KCNQ5: variants seen among roughly 807,000 people sequenced by gnomAD.
KCNQ5 encodes potassium voltage-gated channel subfamily Q member 5, also known as potassium voltage-gated channel subfamily KQT member 5.
A neutral mutation model predicts 98.2 loss-of-function variants in KCNQ5; 30 were observed. The observed-to-expected ratio is 0.31, with a 90% CI of 0.23 to 0.41. The LOEUF (loss-of-function observed/expected upper bound fraction) is 0.41. Among genes scored for constraint, KCNQ5 ranks in the 10% least tolerant of loss-of-function variants. KCNQ5 has a pLI of 1.00. For missense variants in KCNQ5, 835 were observed against 1,182.5 expected, an observed-to-expected ratio of 0.71 and a Z score of 4.31; for synonymous variants, 458 against 449.4, an observed-to-expected ratio of 1.02 and a Z score of -0.24.
chr6:72,901,020 A>G (rs1454950419), intron 1 of KCNQ5, among the ~76,000 whole-genome samples: 1 of 151,892 alleles, frequency 6.6e-6, no homozygotes, highest in Admixed American at 6.6e-5. Flanking sequence ...GTACATGTGC[A>G]CAACATGCAG....
intron 10 of KCNQ5, among the ~76,000 whole-genome samples, chr6:73,159,315 A>T (rs964910425): frequency 6.6e-6 from 1 of 152,190 alleles, no homozygotes; most frequent in African/African-American, 2.4e-5. Flanking sequence ...ATGGACACAA[A>T]GAGGGGAAAA....
rs575108189 is a variant in KCNQ5 at position 72,952,851 on chromosome 6, T to A, written c.399-51057T>A. On this transcript the variant is annotated intron_variant, in intron 1 of 13. Coordinates refer to ENST00000370398, the MANE Select transcript of KCNQ5 (RefSeq NM_019842.4). ...GCCAAAATAATTTCTTCACTGGGAC[T>A]TTTTGCTATAATTACCTCAATTTTG... Among the ~76,000 whole-genome samples the A allele has an allele frequency of 2.0e-5, 3 of 152,356 alleles. No homozygotes were observed. In the East Asian group the frequency reaches 5.8e-4, roughly 29 times the overall value.
intron 10 of KCNQ5, chr6:73,134,087 T>C: frequency 2.3e-6 from 1 of 438,696 alleles, no homozygotes; most frequent in Admixed American, 2.5e-5. Flanking sequence ...GCTCTTTCCC[T>C]CTCTCACACA....
chr6:72,997,154 G>A (rs553369547), intron 1 of KCNQ5, among the ~76,000 whole-genome samples: 55 of 152,302 alleles, frequency 3.6e-4, no homozygotes, highest in African/African-American at 1.3e-3. Context: ...CTGTCTATCA[G>A]TGATGTTTCA....
intron 1 of KCNQ5, among the ~76,000 whole-genome samples, chr6:72,733,568 C>T (rs1770663659): frequency 1.3e-5 from 2 of 152,146 alleles, no homozygotes; most frequent in South Asian, 4.1e-4. Context: ...TAAAGCCATA[C>T]AAAGGTGAGA....
At chr6:72,810,516 A>C (rs1164789016) in intron 1 of KCNQ5, among the ~76,000 whole-genome samples, 1 of 152,212 alleles carries the variant, frequency 6.6e-6, no homozygotes, top group Non-Finnish European at 1.5e-5. Context: ...TTGTCAGAGT[A>C]ATGACAGTAT....
intron 1 of KCNQ5, among the ~76,000 whole-genome samples, chr6:72,712,564 C>G (rs1769423785): frequency 6.6e-6 from 1 of 152,224 alleles, no homozygotes; most frequent in Admixed American, 6.5e-5. Flanking sequence ...AAGCACATCT[C>G]TGACACATTC....
intron 8 of KCNQ5, among the ~76,000 whole-genome samples, chr6:73,123,037 C>T (rs896807885): frequency 6.6e-6 from 1 of 151,246 alleles, no homozygotes; most frequent in Non-Finnish European, 1.5e-5. Flanking sequence ...ATCATTTATT[C>T]AGTCATGTAT....
intron 1 of KCNQ5, among the ~76,000 whole-genome samples, chr6:72,936,580 A>T (rs1452145463): frequency 6.6e-6 from 1 of 152,246 alleles, no homozygotes; most frequent in Non-Finnish European, 1.5e-5. Context: ...TAGATGTTGT[A>T]TTAAAATGCA....
rs1394796516 is a variant in KCNQ5 at position 73,074,928 on chromosome 6, G to T, written c.617-2394G>T. ...CTTTTCTTTCTACACTTGGGAGAAAGCAAGATTACAATGAAATAAAAGCAA... is the reference window on the plus strand; with the variant it reads ...CTTTTCTTTCTACACTTGGGAGAAATCAAGATTACAATGAAATAAAAGCAA... On this transcript the variant is annotated intron_variant, in intron 3 of 13. Coordinates refer to ENST00000370398, the MANE Select transcript of KCNQ5 (RefSeq NM_019842.4). Among the ~76,000 whole-genome samples the T allele has an allele frequency of 2.0e-5, 3 of 152,172 alleles. No individual in the cohort carries two copies. In the East Asian group the frequency reaches 5.8e-4, roughly 29 times the overall value.
At chr6:72,687,739 CT>C (rs942084958) in intron 1 of KCNQ5, among the ~76,000 whole-genome samples, 7 of 151,642 alleles carry the variant, frequency 4.6e-5, no homozygotes, top group Admixed American at 3.3e-4. Context: ...ATTTATTTGG[CT>C]TTTTCTAGGA....
At chr6:73,102,464 G>C (rs773986461) in intron 5 of KCNQ5, among the ~76,000 whole-genome samples, 1 of 152,080 alleles carries the variant, frequency 6.6e-6, no homozygotes, top group African/African-American at 2.4e-5. Flanking sequence ...CCCACAGAAT[G>C]GGAGAAAATA....
At chr6:72,632,671 A>C (rs1019239391) in intron 1 of KCNQ5, among the ~76,000 whole-genome samples, 2 of 152,180 alleles carry the variant, frequency 1.3e-5, no homozygotes, top group Admixed American at 6.5e-5. Context: ...CTAAGTGAGA[A>C]TATGTGGTAC....
At chr6:72,815,401 C>T (rs2150108659) in intron 1 of KCNQ5, among the ~76,000 whole-genome samples, 1 of 152,286 alleles carries the variant, frequency 6.6e-6, no homozygotes. Context: ...AGACCAAGCA[C>T]TTGACTGGGT....
In KCNQ5 at chr6:73,040,233, G is replaced by T. The variant is rs1003128718; in HGVS notation, c.490-1703G>T. ...CATGAAAAAGAAAAATTACTACACG[G>T]TAGTGTTCGGGGGCTCAGGCCACAT... On this transcript the variant is annotated intron_variant, in intron 2 of 13. Transcript: ENST00000370398. 7.9e-5 allele frequency among the ~76,000 whole-genome samples: 12 copies of T among 152,284 alleles called. No individual in the cohort carries two copies. In the East Asian group the frequency reaches 1.5e-3, roughly 20 times the overall value.
At chr6:72,725,867 A>C (rs551407773) in intron 1 of KCNQ5, among the ~76,000 whole-genome samples, 1 of 152,214 alleles carries the variant, frequency 6.6e-6, no homozygotes, top group East Asian at 1.9e-4. Flanking sequence ...TTTTATTCTT[A>C]GTAACAACCT....
chr6:73,136,322 T>C (rs564166148), intron 10 of KCNQ5, among the ~76,000 whole-genome samples: 8 of 152,368 alleles, frequency 5.3e-5, no homozygotes, highest in Admixed American at 4.6e-4. Context: ...AAACAAATTC[T>C]ACTTGTACTG....
chr6:72,770,245 G>A (rs1209731502), intron 1 of KCNQ5, among the ~76,000 whole-genome samples: 3 of 152,138 alleles, frequency 2.0e-5, no homozygotes, highest in Non-Finnish European at 2.9e-5. Context: ...AATGGGAAGA[G>A]AGGAAAGAGA....
At chr6:73,042,926 A>G (rs1203312084) in intron 3 of KCNQ5, 1 of 167,750 alleles carries the variant, frequency 6.0e-6, no homozygotes, top group East Asian at 1.8e-4. Context: ...CTTCCTAGGC[A>G]GCCATTCAAA....
Sources: allele counts gnomAD v4.1 joint callset (sites outside exome capture counted in the v4.1 genomes callset), GRCh38; gene constraint gnomAD v4.1.1; transcripts MANE v1.5; gene names NCBI Gene and HGNC (gene_info 2026-07-23, HGNC 2026-07-21).